The following ADAMTSL1 variants were observed in gnomAD, a reference collection of about 807,000 sequenced individuals.
ADAMTSL1 encodes ADAMTS-like protein 1.
In ADAMTSL1, 126 loss-of-function variants were observed where a neutral mutation model predicts 201.8. The ratio of observed to expected loss-of-function variants is 0.62; its 90% CI spans 0.54 to 0.72. ADAMTSL1 has a LOEUF of 0.72. ADAMTSL1 is among the 30% of genes least tolerant of loss of function. The pLI is 0.00. For synonymous variants in ADAMTSL1, 1,121 were observed against 903.4 expected, an observed-to-expected ratio of 1.24 and a Z score of -4.32; for missense variants, 2,679 against 2,277.8, an observed-to-expected ratio of 1.18 and a Z score of -3.59.
At chr9:18,903,779 T>G (rs895008218) in intron 26 of ADAMTSL1, among the ~76,000 whole-genome samples, 1 of 151,364 alleles carries the variant, frequency 6.6e-6, no homozygotes, top group African/African-American at 2.4e-5. Flanking sequence ...CTGCAGTCAA[T>G]CTCACAGAAC....
intron 1 of ADAMTSL1, among the ~76,000 whole-genome samples, chr9:18,488,597 G>C (rs888805326): frequency 6.6e-6 from 1 of 152,216 alleles, no homozygotes; most frequent in Admixed American, 6.5e-5. Flanking sequence ...TGTAAAACAG[G>C]GGTCAACAAT....
intron 20 of ADAMTSL1, among the ~76,000 whole-genome samples, chr9:18,808,361 T>A (rs1823292767): frequency 6.6e-6 from 1 of 152,210 alleles, no homozygotes; most frequent in Non-Finnish European, 1.5e-5. Flanking sequence ...CTCTATTGAT[T>A]ATAAATACTT....
At chr9:18,300,885 A>G (rs10963561) in intron 2 of ADAMTSL1, among the ~76,000 whole-genome samples, 21,209 of 152,188 alleles carry the variant, frequency 0.14, 1,566 homozygotes, top group East Asian at 0.22. Context: ...GATAGTTTTT[A>G]GCCATGTAGA....
At chr9:18,501,379 C>T (rs1433505130) in intron 1 of ADAMTSL1, among the ~76,000 whole-genome samples, 1 of 151,566 alleles carries the variant, frequency 6.6e-6, no homozygotes, top group Non-Finnish European at 1.5e-5. Context: ...GGCGTGCCGA[C>T]AAGCACCTGT....
intron 10 of ADAMTSL1, among the ~76,000 whole-genome samples, chr9:18,676,339 C>T (rs1472170156): frequency 6.6e-6 from 1 of 152,006 alleles, no homozygotes; most frequent in Admixed American, 6.6e-5. Flanking sequence ...TGATATTATT[C>T]TGCATAGGGG....
rs530958669 is a variant in ADAMTSL1, at chr9:18,360,141, T to G, written c.208-144688T>G. ...CCTGCCTATTTACAGAAGGTTCCTG[T>G]GTCTGGTGTAGCTTTCTTAGGTTAT... On this transcript the variant is annotated intron_variant, in intron 2 of 29. Coordinates refer to the ADAMTSL1 transcript ENST00000680146. Among the ~76,000 whole-genome samples the G allele has an allele frequency of 7.9e-5, 12 of 152,236 alleles. No homozygotes were observed. In the South Asian group the frequency reaches 2.5e-3, roughly 32 times the overall value.
intron 1 of ADAMTSL1, among the ~76,000 whole-genome samples, chr9:18,121,427 C>G (rs1189138257): frequency 6.6e-6 from 1 of 152,174 alleles, no homozygotes; most frequent in Non-Finnish European, 1.5e-5. Flanking sequence ...ATTATAGGGT[C>G]AGTCCCTAAA....
chr9:18,389,600 G>A (rs890197667), intron 2 of ADAMTSL1, among the ~76,000 whole-genome samples: 18 of 152,288 alleles, frequency 1.2e-4, no homozygotes, highest in Non-Finnish European at 2.5e-4. Flanking sequence ...GATCCTAAGT[G>A]TGGAGAGTTC....
chr9:18,323,725 T>A (rs899742735), intron 2 of ADAMTSL1, among the ~76,000 whole-genome samples: 2 of 152,180 alleles, frequency 1.3e-5, no homozygotes, highest in Admixed American at 6.5e-5. Flanking sequence ...AAAATACTTT[T>A]TTCAATAGCT....
chr9:17,912,061 A>C (rs2131269017), intron 1 of ADAMTSL1, among the ~76,000 whole-genome samples: 1 of 54,316 alleles, frequency 1.8e-5, no homozygotes, highest in African/African-American at 3.3e-5. Context: ...TATATGTGCC[A>C]CATTTTCTTA....
intron 1 of ADAMTSL1, among the ~76,000 whole-genome samples, chr9:17,942,606 C>T (rs184656978): frequency 4.6e-5 from 7 of 152,210 alleles, no homozygotes; most frequent in Admixed American, 4.6e-4. Flanking sequence ...TGTACTTTGG[C>T]CTGCACCAAA....
intron 1 of ADAMTSL1, among the ~76,000 whole-genome samples, chr9:18,035,266 A>G (rs1170075194): frequency 6.6e-6 from 1 of 152,204 alleles, no homozygotes; most frequent in Non-Finnish European, 1.5e-5. Flanking sequence ...AATGCCTGTT[A>G]GGCATATTTA....
chr9:18,426,184 A>G (rs1033247609), intron 2 of ADAMTSL1, among the ~76,000 whole-genome samples: 1 of 151,674 alleles, frequency 6.6e-6, no homozygotes, highest in Non-Finnish European at 1.5e-5. Flanking sequence ...TAAGAAAAAA[A>G]TCCCAGGGAT....
chr9:17,987,278 C>T (rs1818967148), intron 1 of ADAMTSL1, among the ~76,000 whole-genome samples: 1 of 151,988 alleles, frequency 6.6e-6, no homozygotes, highest in Non-Finnish European at 1.5e-5. Flanking sequence ...GATGGTATTT[C>T]CCCAGATGAT....
intron 16 of ADAMTSL1, among the ~76,000 whole-genome samples, chr9:18,754,344 T>C (rs922511568): frequency 1.3e-5 from 2 of 152,222 alleles, no homozygotes; most frequent in Non-Finnish European, 2.9e-5. Context: ...TTGCATGCCT[T>C]TTAAAAACAC....
intron 1 of ADAMTSL1, among the ~76,000 whole-genome samples, chr9:18,046,298 C>A (rs971442338): frequency 6.6e-6 from 1 of 152,162 alleles, no homozygotes; most frequent in Non-Finnish European, 1.5e-5. Context: ...TTACCACAGG[C>A]CTTTTCTAGC....
intron 1 of ADAMTSL1, among the ~76,000 whole-genome samples, chr9:18,082,261 A>T (rs1039998836): frequency 6.6e-6 from 1 of 152,214 alleles, no homozygotes; most frequent in African/African-American, 2.4e-5. Flanking sequence ...GTTTTGAAGT[A>T]GTAGAAAATG....
intron 1 of ADAMTSL1, among the ~76,000 whole-genome samples, chr9:18,148,568 C>T (rs1035920890): frequency 6.6e-6 from 1 of 152,028 alleles, no homozygotes; most frequent in Non-Finnish European, 1.5e-5. Flanking sequence ...TCTACAGAAA[C>T]TTACCTATAA....
At chr9:18,230,575 T>A (rs866132444) in intron 2 of ADAMTSL1, among the ~76,000 whole-genome samples, 2 of 152,084 alleles carry the variant, frequency 1.3e-5, no homozygotes, top group Non-Finnish European at 1.5e-5. Flanking sequence ...TCAATGAGAC[T>A]GGAGCAAGAG....
Sources: allele counts gnomAD v4.1 joint callset (sites outside exome capture counted in the v4.1 genomes callset), GRCh38; gene constraint gnomAD v4.1.1; transcripts MANE v1.5; gene names NCBI Gene and HGNC (gene_info 2026-07-23, HGNC 2026-07-21).